The following KDM5B variants were observed in gnomAD, a reference collection of about 807,000 sequenced individuals.
KDM5B encodes the protein lysine demethylase 5B, also known as lysine-specific demethylase 5B.
In KDM5B, 144 loss-of-function variants were observed where a neutral mutation model predicts 193.4. The ratio of observed to expected loss-of-function variants is 0.74; its 90% CI spans 0.65 to 0.86. KDM5B has a LOEUF of 0.86. Ranked by LOEUF, KDM5B falls within the 40% of genes least tolerant of loss-of-function variation. KDM5B has a pLI of 0.00. For missense variants in KDM5B, 1,833 were observed against 1,886.9 expected (o/e 0.97, Z 0.53); for synonymous variants, 668 against 682.6 (o/e 0.98, Z 0.33).
Position 202,729,983 on chromosome 1 carries a change from C to G in KDM5B, c.4221G>C (p.Glu1407Asp). 3.1e-6 allele frequency: 5 copies of G among 1,613,606 alleles called. No individual in the cohort carries two copies. The highest frequency in any genetic ancestry group is 4.2e-6 in the Non-Finnish European group (5 of 1,179,890). ...TTTCCAGGCGTCTCTTCAGTTTTCT[C>G]TCAAGACTGTTAATTCCATCTCGCT... ...RGKRDGINSL[E>D]RKLKRRLERE... Residue 1407 changes from glutamate (E) to aspartate (D), a missense_variant, in exon 26 of 27, where the codon GAG becomes GAC. This residue lies in a region of KDM5B where 1,379 missense variants were observed against 1,349.6 expected (regional missense o/e 1.02). Transcript: ENST00000367265.
Position 202,777,351 on chromosome 1 carries a change from T to TAA in KDM5B, c.205-259_205-258dup, listed in dbSNP as rs147335949. Reference sequence around the variant, plus strand: ...CCACTGAGCAATGTCATTGAGCCTGTAAAAAAAAAAAAAAAAAAAACACTC... The same window carrying TAA: ...CCACTGAGCAATGTCATTGAGCCTGTAAAAAAAAAAAAAAAAAAAAAACACTC... On this transcript the variant is annotated intron_variant, in intron 1 of 26. Transcript: ENST00000367265. 2.0e-3 allele frequency among the ~76,000 whole-genome samples: 256 copies of TAA among 128,642 alleles called. 1 individual carries two copies. The highest frequency in any genetic ancestry group is 4.7e-3 in the South Asian group (19 of 4,074). The allele number at this position is 128,642 out of a possible 152,430, so 84.4% of individuals were successfully genotyped here. A position where few individuals can be genotyped will look rare whatever the true frequency, so the allele number is the denominator to read the frequency against.
intron 23 of KDM5B, 102 bp from the exon 24 acceptor site, chr1:202,732,041 G>T: frequency 9.1e-6 from 5 of 548,198 alleles, no homozygotes; most frequent in East Asian, 4.1e-5. Context: ...GGCAACCAGG[G>T]GAAAAAAAAA....
At chr1:202,750,914 T>G in intron 12 of KDM5B, 136 bp from the exon 13 acceptor site, 5 of 789,390 alleles carry the variant, frequency 6.3e-6, no homozygotes, top group Non-Finnish European at 9.9e-6. Context: ...AAACAAATTA[T>G]TATAGTAGAA....
rs1025721946 is a variant in KDM5B at position 202,781,856 on chromosome 1, G to A, written c.205-4762C>T. On this transcript the variant is annotated intron_variant, in intron 1 of 26. Transcript: ENST00000367265. Reference sequence around the variant, plus strand: ...ATGGCCTGAAAATTTTAACAACTAAGACTTACAGGTGATATATAATGTTAT... The same window carrying A: ...ATGGCCTGAAAATTTTAACAACTAAAACTTACAGGTGATATATAATGTTAT... Among the ~76,000 whole-genome samples, 4 of 152,128 alleles carry A rather than the reference G, an allele frequency of 2.6e-5. No homozygotes were observed. The South Asian group carries it at 8.3e-4, about 31-fold the overall frequency.
chr1:202,760,743 A>C (rs926315672), intron 7 of KDM5B, among the ~76,000 whole-genome samples, 170 bp from the exon 8 acceptor site: 1 of 152,246 alleles, frequency 6.6e-6, no homozygotes, highest in South Asian at 2.1e-4. Context: ...CTTTCTATGA[A>C]GGATATTTCA....
At chr1:202,808,053 G>C (rs1271328307) in intron 1 of KDM5B, 49 bp downstream of exon 1, 1 of 1,585,630 alleles carries the variant, frequency 6.3e-7, no homozygotes, top group South Asian at 1.1e-5. Context: ...GCGCGTCCCC[G>C]CTCCCTCCCC....
intron 4 of KDM5B, among the ~76,000 whole-genome samples, chr1:202,771,221 GTTTA>G (rs897727524): frequency 5.3e-5 from 8 of 152,122 alleles, no homozygotes; most frequent in East Asian, 1.9e-4. Context: ...TTTTATGTTT[GTTTA>G]TTTATTTATT....
chr1:202,766,845 CAT>C (rs1435432886), intron 5 of KDM5B, 79 bp downstream of exon 5: 10 of 1,433,434 alleles, frequency 7.0e-6, no homozygotes, highest in Non-Finnish European at 9.4e-6. Context: ...AGAGCACACA[CAT>C]GAGAGAAATC....
chr1:202,758,642 A>G (rs1656115853), intron 8 of KDM5B, 132 bp from the exon 9 acceptor site: 3 of 585,588 alleles, frequency 5.1e-6, no homozygotes, highest in Non-Finnish European at 7.9e-6. Context: ...CTACATTATA[A>G]AAATAAACCT....
chr1:202,772,223 A>G (rs1656749815), intron 4 of KDM5B, among the ~76,000 whole-genome samples: 1 of 152,208 alleles, frequency 6.6e-6, no homozygotes, highest in Admixed American at 6.5e-5. Context: ...TGAATGGATA[A>G]TGACACCCCT....
intron 16 of KDM5B, among the ~76,000 whole-genome samples, 155 bp downstream of exon 16, chr1:202,745,703 C>G (rs1227461796): frequency 6.6e-6 from 1 of 152,160 alleles, no homozygotes; most frequent in African/African-American, 2.4e-5. Context: ...GGTTTTAAAA[C>G]CTTCTCTGCC....
intron 4 of KDM5B, among the ~76,000 whole-genome samples, chr1:202,769,152 T>A (rs1415075161): frequency 2.7e-5 from 4 of 149,646 alleles, no homozygotes; most frequent in African/African-American, 9.8e-5. Flanking sequence ...TTCTCCTACC[T>A]CAGCCTCCCA....
intron 25 of KDM5B, among the ~76,000 whole-genome samples, chr1:202,730,673 T>C (rs1654850289): frequency 6.6e-6 from 1 of 152,202 alleles, no homozygotes; most frequent in African/African-American, 2.4e-5. Flanking sequence ...GGGCCTTAAA[T>C]GTGATGGGTC....
chr1:202,777,146 CA>C (rs780281160), intron 1 of KDM5B, 52 bp from the exon 2 acceptor site: 1 of 1,396,926 alleles, frequency 7.2e-7, no homozygotes, highest in Admixed American at 1.8e-5. Flanking sequence ...ATTTGACATT[CA>C]AAAATTTGTT....
intron 1 of KDM5B, among the ~76,000 whole-genome samples, chr1:202,797,621 C>T (rs1657900453): frequency 6.6e-6 from 1 of 152,172 alleles, no homozygotes; most frequent in Non-Finnish European, 1.5e-5. Context: ...AATTACTAGA[C>T]TTCAACTATT....
chr1:202,742,900 C>G (rs1031713072), intron 16 of KDM5B, 95 bp from the exon 17 acceptor site: 1 of 1,009,906 alleles, frequency 9.9e-7, no homozygotes, highest in Non-Finnish European at 1.4e-6. Flanking sequence ...CAGTTCTTGT[C>G]TAGAAATGTA....
chr1:202,788,243 A>G (rs983990739), intron 1 of KDM5B, among the ~76,000 whole-genome samples: 1 of 152,200 alleles, frequency 6.6e-6, no homozygotes, highest in African/African-American at 2.4e-5. Flanking sequence ...AGACCCTGAA[A>G]ATACCAACAC....
Position 202,808,377 on chromosome 1 carries a change from G to T in KDM5B, c.-72C>A. ...AGGCTGCGAGCTCCGCTCGGTCCGA[G>T]ACCCGTGCAGACGCGGCTCGAGCAA... On this transcript the variant is annotated 5_prime_UTR_variant, in exon 1 of 27. Coordinates refer to ENST00000367265, the MANE Select transcript of KDM5B (RefSeq NM_006618.5). 1 of 1,358,804 alleles carries T rather than the reference G, an allele frequency of 7.4e-7. No individual in the cohort carries two copies. Among genetic ancestry groups the T allele is most frequent in the South Asian group, 1.4e-5 (1 of 69,026 alleles). 84.2% of individuals were successfully genotyped at this position (1,358,804 alleles called of 1,614,324 possible). A position where few individuals can be genotyped will look rare whatever the true frequency, so the allele number is the denominator to read the frequency against.
At chr1:202,736,114 A>T (rs1451983917) in intron 21 of KDM5B, 99 bp downstream of exon 21, 2 of 873,508 alleles carry the variant, frequency 2.3e-6, no homozygotes, top group African/African-American at 3.5e-5. Flanking sequence ...CTCACAGAAT[A>T]TAGATTAATC....
Sources: gnomAD v4.1 joint callset for allele counts (sites outside exome capture counted in the v4.1 genomes callset) on GRCh38, gnomAD v4.1.1 for gene constraint, gnomAD v4.1.1 regional missense constraint, MANE v1.5 for transcripts, NCBI Gene and HGNC (gene_info 2026-07-23, HGNC 2026-07-21) for gene names.